Variants in ELF2 observed in about 807,000 individuals in gnomAD.
The protein encoded by ELF2 is ETS-related transcription factor Elf-2.
ELF2 carries 11 observed loss-of-function variants against 54.8 expected under a neutral mutation model. That is an observed-to-expected ratio of 0.20 (90% CI 0.13 to 0.33). The LOEUF (loss-of-function observed/expected upper bound fraction) is 0.33, where lower values mean the gene tolerates loss of function less well. ELF2 is among the 10% of genes least tolerant of loss of function. The pLI is 1.00. For synonymous variants in ELF2, 203 were observed against 245.1 expected (o/e 0.83, Z 1.61); for missense variants, 513 against 703.0 (o/e 0.73, Z 3.06).
chr4:139,102,927 A>G (rs1371679089), intron 4 of ELF2, among the ~76,000 whole-genome samples: 1 of 152,008 alleles, frequency 6.6e-6, no homozygotes, highest in Non-Finnish European at 1.5e-5. Context: ...TCGCTCTGTC[A>G]GAATGCAGTG....
intron 4 of ELF2, among the ~76,000 whole-genome samples, chr4:139,088,402 A>G (rs1465417642): frequency 2.0e-5 from 3 of 152,110 alleles, no homozygotes; most frequent in Non-Finnish European, 2.9e-5. Flanking sequence ...TTCTTACAAT[A>G]CTTTCTGAAC....
chr4:139,127,554 TAAAGA>T (rs892400016), intron 3 of ELF2, among the ~76,000 whole-genome samples: 31 of 151,978 alleles, frequency 2.0e-4, no homozygotes, highest in Admixed American at 4.6e-4. Flanking sequence ...GGCAAAACTA[TAAAGA>T]AAAGTAAAGA....
chr4:139,104,912 A>C (rs1187669560), intron 4 of ELF2, among the ~76,000 whole-genome samples: 1 of 151,936 alleles, frequency 6.6e-6, no homozygotes, highest in Non-Finnish European at 1.5e-5. Flanking sequence ...CCTTTCCCCA[A>C]CCCTATCTAC....
rs186022836 is a variant in ELF2, at chr4:139,060,422, C to G, written c.1059G>C (p.Lys353Asn). 3 of 1,614,186 alleles carry G rather than the reference C, an allele frequency of 1.9e-6. No homozygotes were observed. In the South Asian group the frequency reaches 3.3e-5, roughly 18 times the overall value. ...SSPINCSRAE[K>N]GVARVVNITS... ...TGATATTCACAACTCTAGCTACACC[C>G]TTCTCTGCTCTGGAGCAGTTTATAG... The change falls in exon 9 of 10, where the codon AAG becomes AAC. Residue 353 changes from lysine (K) to asparagine (N), a missense_variant. This residue lies in a region of ELF2 where 291 missense variants were observed against 366.1 expected (regional missense o/e 0.79). Coordinates refer to ENST00000686138, the MANE Select transcript of ELF2 (RefSeq NM_001331036.3).
chr4:139,121,983 A>C (rs1736397426), intron 4 of ELF2, among the ~76,000 whole-genome samples: 1 of 152,238 alleles, frequency 6.6e-6, no homozygotes, highest in Admixed American at 6.5e-5. Context: ...AAAGATGGCT[A>C]CATGCAAATC....
chr4:139,096,212 C>T lies in ELF2; in HGVS notation c.239-22645G>A, dbSNP rs1386320000. Among the ~76,000 whole-genome samples the T allele has an allele frequency of 3.3e-5, 5 of 152,314 alleles. No individual in the cohort carries two copies. In the South Asian group the frequency reaches 1.0e-3, roughly 32 times the overall value. ...GATAAGTTTCAAGGTTAAGGTTATA[C>T]TAACTTCATAAAATGAGTTGGAAAG... On this transcript the variant is annotated intron_variant, in intron 4 of 9. Coordinates refer to ENST00000686138, the MANE Select transcript of ELF2 (RefSeq NM_001331036.3).
intron 1 of ELF2, among the ~76,000 whole-genome samples, chr4:139,165,723 A>C (rs1741648390): frequency 6.6e-6 from 1 of 152,206 alleles, no homozygotes; most frequent in African/African-American, 2.4e-5. Context: ...ATGTTCCACA[A>C]GGCACTGGAC....
intron 2 of ELF2, among the ~76,000 whole-genome samples, chr4:139,139,078 T>C (rs1738459814): frequency 6.6e-6 from 1 of 152,166 alleles, no homozygotes; most frequent in South Asian, 2.1e-4. Context: ...CAAGCATATC[T>C]GAAGAGAAAG....
chr4:139,166,393 A>T (rs1741722247), intron 1 of ELF2, among the ~76,000 whole-genome samples: 1 of 152,040 alleles, frequency 6.6e-6, no homozygotes, highest in Non-Finnish European at 1.5e-5. Flanking sequence ...TCAAAAAATA[A>T]ATAAGTAAAA....
At position 139,110,634 on chromosome 4, in the gene ELF2, T is replaced by C. The variant is rs191209948; in HGVS notation, c.238+14530A>G. Among the ~76,000 whole-genome samples, 608 of 152,338 alleles carry C rather than the reference T, an allele frequency of 4.0e-3. 8 individuals carry two copies. The highest frequency in any genetic ancestry group is 4.5e-3 in the Non-Finnish European group (309 of 68,028). ...ACAATATCCCTAAGTGGCATTCTAGTTCTTGCTTTAAAATCTCCAGTTGTA... is the reference window on the plus strand; with the variant it reads ...ACAATATCCCTAAGTGGCATTCTAGCTCTTGCTTTAAAATCTCCAGTTGTA... On this transcript the variant is annotated intron_variant, in intron 4 of 9. Transcript: ENST00000686138.
intron 4 of ELF2, among the ~76,000 whole-genome samples, chr4:139,075,665 G>C (rs1730208295): frequency 6.6e-6 from 1 of 152,142 alleles, no homozygotes; most frequent in Admixed American, 6.5e-5. Flanking sequence ...CTGACCTCAG[G>C]TGATACACCC....
intron 4 of ELF2, among the ~76,000 whole-genome samples, chr4:139,074,605 T>C (rs1730010114): frequency 6.6e-6 from 1 of 150,958 alleles, no homozygotes; most frequent in South Asian, 2.1e-4. Flanking sequence ...ATCAAAAACA[T>C]AAAAATTAGC....
intron 4 of ELF2, among the ~76,000 whole-genome samples, chr4:139,123,211 G>T (rs1488834174): frequency 6.6e-6 from 1 of 151,676 alleles, no homozygotes; most frequent in Non-Finnish European, 1.5e-5. Flanking sequence ...CGTGAGCCAG[G>T]ATGGAACATG....
upstream of ELF2, among the ~76,000 whole-genome samples, chr4:139,177,391 C>T (rs1450656187): frequency 1.3e-5 from 2 of 151,896 alleles, no homozygotes; most frequent in South Asian, 4.1e-4. Context: ...GCGGCACCGC[C>T]AGTCACCGCA....
At chr4:139,173,574 C>A (rs1388209130) in intron 1 of ELF2, among the ~76,000 whole-genome samples, 1 of 150,780 alleles carries the variant, frequency 6.6e-6, no homozygotes, top group African/African-American at 2.4e-5. Flanking sequence ...CTGGCTAACA[C>A]AGTGAAATCC....
rs61122327 is a variant in ELF2, at chr4:139,135,237, ATGTGTGTGTGTGTGTG to A, written c.72+2377_72+2392del. Reference sequence around the variant, plus strand: ...CTATTATACATATACTACTATATATATGTGTGTGTGTGTGTGTGTGTGTGTGTGTGTGTGTGTGTGT... The same window carrying A: ...CTATTATACATATACTACTATATATATGTGTGTGTGTGTGTGTGTGTGTGT... On this transcript the variant is annotated intron_variant, in intron 3 of 9. Transcript: ENST00000686138. Among the ~76,000 whole-genome samples, 291 of 112,478 alleles carry A rather than the reference ATGTGTGTGTGTGTGTG, an allele frequency of 2.6e-3. 2 individuals are homozygous for A. The highest frequency in any genetic ancestry group is 7.9e-3 in the African/African-American group (264 of 33,220). The allele number at this position is 112,478 out of a possible 152,430, so 73.8% of individuals were successfully genotyped here.
chr4:139,173,524 C>T (rs1253805625), intron 1 of ELF2, among the ~76,000 whole-genome samples: 2 of 151,736 alleles, frequency 1.3e-5, no homozygotes, highest in East Asian at 1.9e-4. Context: ...TTTGGGAGGC[C>T]GAGGCAGGCG....
intron 3 of ELF2, 45 bp downstream of exon 3, chr4:139,137,585 A>G (rs933661651): frequency 6.3e-7 from 1 of 1,586,166 alleles, no homozygotes; most frequent in African/African-American, 1.3e-5. Flanking sequence ...TTCATGCACA[A>G]ATTTCTATGA....
intron 4 of ELF2, among the ~76,000 whole-genome samples, chr4:139,090,910 A>ATCGTT (rs1356848616): frequency 4.7e-5 from 5 of 107,526 alleles, no homozygotes; most frequent in African/African-American, 1.7e-4. Flanking sequence ...CTTATAGTAT[A>ATCGTT]TGGTTTGTTT....
Sources: gnomAD v4.1 joint callset for allele counts (sites outside exome capture counted in the v4.1 genomes callset) on GRCh38, gnomAD v4.1.1 for gene constraint, gnomAD v4.1.1 regional missense constraint, MANE v1.5 for transcripts, NCBI Gene and HGNC (gene_info 2026-07-23, HGNC 2026-07-21) for gene names.